NDRG4: variants seen among roughly 807,000 people sequenced by gnomAD.
The protein encoded by NDRG4 is protein NDRG4.
A neutral mutation model predicts 55.8 loss-of-function variants in NDRG4; 38 were observed. The ratio of observed to expected loss-of-function variants is 0.68; its 90% confidence interval spans 0.53 to 0.89. The LOEUF is 0.89. NDRG4 is among the 40% of genes least tolerant of loss of function. The pLI, the probability that NDRG4 is intolerant of heterozygous loss-of-function variation, is 0.00. For synonymous variants in NDRG4, 190 were observed against 182.7 expected (o/e 1.04, Z -0.32); for missense variants, 455 against 468.6 (o/e 0.97, Z 0.27).
At position 58,511,517 on chromosome 16, in the gene NDRG4, C is replaced by G. The variant is rs766808673; in HGVS notation, c.1000C>G (p.His334Asp). The G allele has an allele frequency of 6.2e-7, 1 of 1,613,050 alleles. No individual in the cohort carries two copies. Among genetic ancestry groups the G allele is most frequent in the South Asian group, 1.1e-5 (1 of 91,078 alleles). ...VDGSRPQACTHSESSEGLGQV... is the reference protein window; with the variant it reads ...VDGSRPQACTDSESSEGLGQV... ...TGGCAGCCGCCCACAGGCCTGCACC[C>G]ACTCAGAGAGCAGCGAGGGGCTGGG... is the stretch of plus-strand genomic sequence containing the variant. The change falls in exon 15 of 15, where the codon CAC (histidine) becomes GAC (aspartate). Residue 334 changes from histidine (H) to aspartate (D), a missense_variant. Transcript: ENST00000570248.
chr16:58,494,190 G>A (rs1186540810), intron 2 of NDRG4, among the ~76,000 whole-genome samples: 7 of 152,222 alleles, frequency 4.6e-5, no homozygotes, highest in Non-Finnish European at 8.8e-5. Flanking sequence ...CGGTCCGGTG[G>A]GTAGAACACG....
At chr16:58,510,797 C>T in intron 14 of NDRG4, 114 bp downstream of exon 14, 1 of 981,606 alleles carries the variant, frequency 1.0e-6, no homozygotes, top group South Asian at 1.4e-5. Flanking sequence ...TTGGAACCTT[C>T]TTGTGTCCTG....
chr16:58,510,426 G>A (rs1436393677), intron 13 of NDRG4, among the ~76,000 whole-genome samples: 2 of 152,176 alleles, frequency 1.3e-5, no homozygotes, highest in Non-Finnish European at 2.9e-5. Flanking sequence ...CACCTGTCAG[G>A]GCTTCCTTGG....
rs902151650 is a variant in NDRG4, at chr16:58,487,864, G to C, written c.72+14G>C. On this transcript the variant is annotated intron_variant, in intron 2 of 15. Coordinates refer to the NDRG4 transcript ENST00000258187. ...GCCACCGAGCTGGTGAGTTGGAGTC[G>C]CGCCTTTGAGGTCTTAGGGCCGAGC... 4 of 1,525,802 alleles carry C rather than the reference G, an allele frequency of 2.6e-6. No homozygotes were observed. In the African/African-American group the frequency reaches 4.2e-5, roughly 16 times the overall value. 94.5% of individuals were successfully genotyped at this position (1,525,802 alleles called of 1,614,324 possible). A position where few individuals can be genotyped will look rare whatever the true frequency, so the allele number is the denominator to read the frequency against.
At chr16:58,476,781 A>G (rs552659270) in intron 1 of NDRG4, among the ~76,000 whole-genome samples, 117 of 152,332 alleles carry the variant, frequency 7.7e-4, no homozygotes, top group Middle Eastern at 3.4e-3. Context: ...GAAAAGGAAT[A>G]CCTTAAACAA....
chr16:58,504,536 T>C (rs1164613277), intron 4 of NDRG4, 53 bp from the exon 5 acceptor site: 3 of 1,612,766 alleles, frequency 1.9e-6, no homozygotes, highest in South Asian at 1.1e-5. Flanking sequence ...CTGGATGACA[T>C]GTATGGGAAA....
At chr16:58,475,599 C>G (rs149792628) in intron 1 of NDRG4, 1 of 454,722 alleles carries the variant, frequency 2.2e-6, no homozygotes, top group Non-Finnish European at 4.4e-6. Context: ...ATTTTTTTCT[C>G]TCTCATAACC....
intron 1 of NDRG4, among the ~76,000 whole-genome samples, chr16:58,482,696 C>G (rs1164565490): frequency 7.5e-6 from 1 of 132,986 alleles, no homozygotes; most frequent in African/African-American, 2.7e-5. Context: ...TCCCTTCCTT[C>G]CTCCCTCCCT....
intron 1 of NDRG4, chr16:58,501,943 A>G (rs2037197122): frequency 2.2e-6 from 1 of 454,878 alleles, no homozygotes; most frequent in African/African-American, 2.0e-5. Context: ...TCCTTTATGC[A>G]GCAGGAGGCG....
chr16:58,503,196 G>T (rs1391594082), intron 1 of NDRG4, among the ~76,000 whole-genome samples: 4 of 152,142 alleles, frequency 2.6e-5, no homozygotes. Context: ...AGAGGGGATG[G>T]GGAGGGGGGT....
Position 58,511,887 on chromosome 16 carries a change from C to T in NDRG4, c.*311C>T. 1 of 453,942 alleles carries T rather than the reference C, an allele frequency of 2.2e-6. No individual in the cohort carries two copies. The allele number at this position is 453,942 out of a possible 1,614,324, so 28.1% of individuals were successfully genotyped here. A position where few individuals can be genotyped will look rare whatever the true frequency, so the allele number is the denominator to read the frequency against. ...GATTCGCTACGGATCCAGGCCATTC[C>T]TGGGTGAGCCCTTGGGCAGGCATGT... On this transcript the variant is annotated 3_prime_UTR_variant, in exon 15 of 15. Transcript: ENST00000570248.
At chr16:58,500,304 G>A (rs2036910592) in intron 1 of NDRG4, 35 bp downstream of exon 1, 3 of 1,534,414 alleles carry the variant, frequency 2.0e-6, no homozygotes, top group Middle Eastern at 1.8e-4. Context: ...AAGGTGGGCC[G>A]GGAGGATGGT....
rs2031153226 is a variant in NDRG4 at position 58,464,384 on chromosome 16, G to A, written c.-24+587G>A. ...TCCTCTCCCCGGCTCGGCCGAGCGC[G>A]CTGCCCCGACGCCGCCACCCAGAGC... On this transcript the variant is annotated intron_variant, in intron 1 of 15. Transcript: ENST00000258187. The surrounding 1 kb of genome is among the most constrained non-coding windows in gnomAD (Gnocchi z 4.8). 3 of 1,366,674 alleles carry A rather than the reference G, an allele frequency of 2.2e-6. No individual in the cohort carries two copies. The highest frequency in any genetic ancestry group is 1.9e-6 in the Non-Finnish European group (2 of 1,063,796). 84.7% of individuals were successfully genotyped at this position (1,366,674 alleles called of 1,614,324 possible).
rs978682400 is a variant in NDRG4 at position 58,492,703 on chromosome 16, G to A, written c.73-2261G>A. Among the ~76,000 whole-genome samples, 8 of 152,162 alleles carry A rather than the reference G, an allele frequency of 5.3e-5. No individual in the cohort carries two copies. The East Asian group carries it at 5.8e-4, about 11-fold the overall frequency. ...ATTGCAGGTGTGAGTGACCACGCCC[G>A]GCCTTCTTTTTTGTTAGCTTTTGCT... On this transcript the variant is annotated intron_variant, in intron 2 of 15. Transcript: ENST00000258187.
intron 1 of NDRG4, among the ~76,000 whole-genome samples, chr16:58,476,168 G>A (rs772030856): frequency 2.0e-5 from 3 of 152,180 alleles, no homozygotes; most frequent in Non-Finnish European, 4.4e-5. Flanking sequence ...AGAACATCAC[G>A]TCATCATAAA....
In NDRG4 at chr16:58,509,012, G is replaced by T. The variant is rs142344402; in HGVS notation, c.777+3G>T. ...CGACCACTACGACCTTCCTGAAGGT[G>T]AGGCTTTCTTCCCCAGCCCTGGGCC... On this transcript the variant is annotated splice_donor_region_variant and intron_variant, in intron 11 of 14. Transcript: ENST00000570248. 6.2e-7 allele frequency: 1 copy of T among 1,614,132 alleles called. No homozygotes were observed.
chr16:58,500,915 A>T (rs1344102225), intron 1 of NDRG4: 1 of 1,026,784 alleles, frequency 9.7e-7, no homozygotes, highest in Non-Finnish European at 1.3e-6. Flanking sequence ...CCACACAGGA[A>T]TGACAGCCTT....
intron 1 of NDRG4, chr16:58,500,605 C>A: frequency 1.9e-6 from 1 of 526,682 alleles, no homozygotes; most frequent in South Asian, 2.4e-5. Context: ...GGCGCTAGTG[C>A]CTGCATGTCC....
At chr16:58,463,733 C>T (rs2030958511) in exon 1 of NDRG4, 1 of 150,410 alleles carries the variant, frequency 6.6e-6, no homozygotes, top group African/African-American at 2.4e-5. Flanking sequence ...GCACCTGCAC[C>T]CGCGCGTCGG....
Sources: gnomAD v4.1 joint callset for allele counts (sites outside exome capture counted in the v4.1 genomes callset) on GRCh38, gnomAD v4.1.1 for gene constraint, Gnocchi (gnomAD v3.1) non-coding constraint, MANE v1.5 for transcripts, NCBI Gene and HGNC (gene_info 2026-07-23, HGNC 2026-07-21) for gene names.